MAP3K20: variants seen among roughly 807,000 people sequenced by gnomAD.
MAP3K20 encodes the protein mitogen-activated protein kinase kinase kinase 20.
MAP3K20 carries 40 observed loss-of-function variants against 85.7 expected under a neutral mutation model. That is an observed-to-expected ratio of 0.47 (90% CI 0.36 to 0.61). The LOEUF is 0.61. Ranked by LOEUF, MAP3K20 falls within the 20% of genes least tolerant of loss-of-function variation. The pLI, the probability that MAP3K20 is intolerant of heterozygous loss-of-function variation, is 0.00. For synonymous variants in MAP3K20, 325 were observed against 327.7 expected (o/e 0.99, Z 0.09); for missense variants, 817 against 961.7 (o/e 0.85, Z 1.99).
At chr2:173,237,362 T>A (rs1684678872) in intron 14 of MAP3K20, among the ~76,000 whole-genome samples, 2 of 152,082 alleles carry the variant, frequency 1.3e-5, no homozygotes, top group South Asian at 4.1e-4. Flanking sequence ...TGTCCCTCCC[T>A]TTAAGCCTGA....
At chr2:173,137,090 G>T (rs1334970130) in intron 2 of MAP3K20, among the ~76,000 whole-genome samples, 3 of 152,194 alleles carry the variant, frequency 2.0e-5, no homozygotes, top group African/African-American at 7.2e-5. Context: ...AGGATTGATG[G>T]CTGTGTTTGT....
chr2:173,238,602 C>G (rs1478990449), intron 15 of MAP3K20, among the ~76,000 whole-genome samples, 167 bp downstream of exon 15: 1 of 152,178 alleles, frequency 6.6e-6, no homozygotes, highest in Non-Finnish European at 1.5e-5. Flanking sequence ...ATAAATTGAA[C>G]ACCCTTGTTC....
At chr2:173,249,773 T>TC (rs1685001861) in intron 16 of MAP3K20, among the ~76,000 whole-genome samples, 1 of 152,196 alleles carries the variant, frequency 6.6e-6, no homozygotes, top group African/African-American at 2.4e-5. Context: ...CCTAGTACTT[T>TC]CCAATTTCAA....
intron 16 of MAP3K20, among the ~76,000 whole-genome samples, chr2:173,242,032 T>C (rs889572941): frequency 6.6e-6 from 1 of 152,204 alleles, no homozygotes; most frequent in Admixed American, 6.5e-5. Context: ...CACATTTCAA[T>C]TGCCTTTTCT....
chr2:173,170,111 G>A (rs751050696), intron 3 of MAP3K20, among the ~76,000 whole-genome samples: 12 of 152,098 alleles, frequency 7.9e-5, no homozygotes, highest in Non-Finnish European at 1.5e-4. Flanking sequence ...TTATATCTGC[G>A]TAAATGCTAT....
intron 2 of MAP3K20, among the ~76,000 whole-genome samples, chr2:173,137,068 C>T (rs780071624): frequency 2.3e-4 from 35 of 152,182 alleles, no homozygotes; most frequent in Non-Finnish European, 3.8e-4. Flanking sequence ...CAATTTCTCT[C>T]CTGACCTAAA....
At chr2:173,106,227 T>G (rs1687780177) in intron 2 of MAP3K20, among the ~76,000 whole-genome samples, 2 of 152,328 alleles carry the variant, frequency 1.3e-5, no homozygotes, top group East Asian at 3.9e-4. Flanking sequence ...GAAGAGGACC[T>G]GGAGTAATGA....
At chr2:173,260,287 G>A (rs1229790797) in intron 17 of MAP3K20, among the ~76,000 whole-genome samples, 1 of 152,152 alleles carries the variant, frequency 6.6e-6, no homozygotes, top group African/African-American at 2.4e-5. Flanking sequence ...AGAATCACTT[G>A]AACCCAGGAG....
At chr2:173,191,265 A>G (rs1690641915) in intron 7 of MAP3K20, 88 bp downstream of exon 7, 1 of 1,544,166 alleles carries the variant, frequency 6.5e-7, no homozygotes, top group Admixed American at 1.9e-5. Flanking sequence ...ACATGGTTTT[A>G]TTTTTATTTG....
At chr2:173,206,082 C>A (rs1559278233) in intron 9 of MAP3K20, among the ~76,000 whole-genome samples, 3 of 152,152 alleles carry the variant, frequency 2.0e-5, no homozygotes, top group African/African-American at 7.2e-5. Flanking sequence ...CTCTCTGATA[C>A]ATAAATAGAA....
At chr2:173,142,465 C>A (rs1197266589) in intron 2 of MAP3K20, among the ~76,000 whole-genome samples, 1 of 150,578 alleles carries the variant, frequency 6.6e-6, no homozygotes, top group Non-Finnish European at 1.5e-5. Context: ...GAGCGAGACT[C>A]CGTCTCAAAA....
chr2:173,148,038 A>C (rs1689186411), intron 2 of MAP3K20, among the ~76,000 whole-genome samples: 1 of 152,202 alleles, frequency 6.6e-6, no homozygotes. Flanking sequence ...AGCATTATCC[A>C]TAAGTGGCCT....
chr2:173,174,857 A>T (rs146034403), intron 3 of MAP3K20, among the ~76,000 whole-genome samples: 1 of 152,158 alleles, frequency 6.6e-6, no homozygotes, highest in Non-Finnish European at 1.5e-5. Flanking sequence ...GCTTTGGGGA[A>T]ATCTCTGTAT....
intron 2 of MAP3K20, 134 bp from the exon 3 acceptor site, chr2:173,169,671 G>C (rs1398961783): frequency 1.2e-6 from 1 of 804,090 alleles, no homozygotes; most frequent in African/African-American, 1.8e-5. Flanking sequence ...AGTGAGCCAA[G>C]ATCACACCAC....
chr2:173,085,914 A>G (rs747571743), intron 1 of MAP3K20, among the ~76,000 whole-genome samples: 4 of 142,430 alleles, frequency 2.8e-5, no homozygotes, highest in Admixed American at 7.4e-5. Context: ...TCCTGCCTCA[A>G]CCTCCCAGGT....
chr2:173,258,887 A>C, intron 17 of MAP3K20, 72 bp downstream of exon 17: 1 of 992,000 alleles, frequency 1.0e-6, no homozygotes, highest in Non-Finnish European at 1.6e-6. Flanking sequence ...AAAATACCCC[A>C]GCAGTGTGCT....
chr2:173,192,941 A>G (rs1395670464), intron 7 of MAP3K20: 2 of 152,170 alleles, frequency 1.3e-5, no homozygotes, highest in Admixed American at 6.5e-5. Context: ...GGCCACTTAC[A>G]GTCTCTGTTG....
chr2:173,257,135 G>A (rs1435922686), intron 16 of MAP3K20, among the ~76,000 whole-genome samples: 1 of 152,180 alleles, frequency 6.6e-6, no homozygotes, highest in Non-Finnish European at 1.5e-5. Flanking sequence ...CCATACTCCA[G>A]CCTGGGTGAC....
chr2:173,204,298 C>T (rs1038866495), intron 9 of MAP3K20, among the ~76,000 whole-genome samples: 2 of 152,086 alleles, frequency 1.3e-5, no homozygotes, highest in Non-Finnish European at 2.9e-5. Flanking sequence ...GATGAAGAAC[C>T]AAGACATACA....
Sources: gnomAD v4.1 joint callset for allele counts (sites outside exome capture counted in the v4.1 genomes callset) on GRCh38, gnomAD v4.1.1 for gene constraint, MANE v1.5 for transcripts, NCBI Gene and HGNC (gene_info 2026-07-23, HGNC 2026-07-21) for gene names.